Variants in METTL15 observed in about 807,000 individuals in gnomAD.
The protein encoded by METTL15 is methyltransferase 15, mitochondrial 12S rRNA N4-cytidine, also known as 12S rRNA N(4)-cytidine methyltransferase METTL15.
METTL15 carries 34 observed loss-of-function variants against 38.3 expected under a neutral mutation model. That is an observed-to-expected ratio of 0.89 (90% confidence interval 0.68 to 1.18). The LOEUF is 1.18. METTL15 is among the 50% of genes most tolerant of loss of function. The pLI, the probability that METTL15 is intolerant of heterozygous loss-of-function variation, is 0.00. For missense variants in METTL15, 438 were observed against 498.4 expected, an observed-to-expected ratio of 0.88 and a Z score of 1.15; for synonymous variants, 162 against 170.9, an observed-to-expected ratio of 0.95 and a Z score of 0.41.
intron 3 of METTL15, among the ~76,000 whole-genome samples, chr11:28,169,363 T>C (rs1349584124): frequency 6.6e-6 from 1 of 152,188 alleles, no homozygotes; most frequent in Admixed American, 6.6e-5. Context: ...TTGAAAGCTT[T>C]AGATTTAAAA....
chr11:28,453,268 G>A (rs1851138728), intron 6 of METTL15, among the ~76,000 whole-genome samples: 1 of 152,086 alleles, frequency 6.6e-6, no homozygotes, highest in African/African-American at 2.4e-5. Context: ...AGCATCCTCC[G>A]GCTCTACCTG....
intron 6 of METTL15, among the ~76,000 whole-genome samples, chr11:28,482,718 C>T (rs746892858): frequency 1.1e-4 from 17 of 152,190 alleles, no homozygotes; most frequent in Non-Finnish European, 1.0e-4. Flanking sequence ...GGCTCAGCAT[C>T]ACCTGGGAGC....
intron 3 of METTL15, among the ~76,000 whole-genome samples, chr11:28,347,927 T>C (rs1346423935): frequency 1.3e-5 from 2 of 152,262 alleles, no homozygotes; most frequent in African/African-American, 4.8e-5. Context: ...ATTGGCCAGT[T>C]GTGTTTCAAC....
At chr11:28,157,276 C>G (rs181017818) in intron 3 of METTL15, among the ~76,000 whole-genome samples, 33 of 152,278 alleles carry the variant, frequency 2.2e-4, no homozygotes, top group African/African-American at 7.9e-4. Context: ...ATTGAGTGAC[C>G]TGAAAGGCTG....
chr11:28,222,057 A>G (rs924838445), intron 4 of METTL15, among the ~76,000 whole-genome samples: 43 of 152,288 alleles, frequency 2.8e-4, no homozygotes, highest in African/African-American at 9.9e-4. Context: ...GCATGCTGGG[A>G]GAACCACTAC....
intron 3 of METTL15, among the ~76,000 whole-genome samples, chr11:28,181,192 C>A (rs555696653): frequency 1.3e-5 from 2 of 149,744 alleles, no homozygotes; most frequent in African/African-American, 4.9e-5. Context: ...CAATGAGTCA[C>A]AATAAATTTT....
chr11:28,113,392 G>C lies in METTL15; in HGVS notation c.58G>C (p.Glu20Gln). ...MYKECLSCWL[E>Q]SGIPNLGVWP... Reference sequence around the variant, plus strand: ...TAAAGAATGCCTTTCATGTTGGTTGGAATCTGGCATACCTAATTTAGGTGT... The same window carrying C: ...TAAAGAATGCCTTTCATGTTGGTTGCAATCTGGCATACCTAATTTAGGTGT... Residue 20 changes from glutamate (E) to glutamine (Q), a missense_variant, in exon 3 of 7, where the codon GAA becomes CAA. Glu to Gln is a conservative substitution (Grantham distance 29). Coordinates refer to ENST00000407364, the MANE Select transcript of METTL15 (RefSeq NM_001113528.2). 1 of 1,595,226 alleles carries C rather than the reference G, an allele frequency of 6.3e-7. No individual in the cohort carries two copies. Among genetic ancestry groups the C allele is most frequent in the Non-Finnish European group, 8.5e-7 (1 of 1,170,358 alleles).
At chr11:28,213,733 G>T (rs151250477) in intron 4 of METTL15, among the ~76,000 whole-genome samples, 1 of 146,684 alleles carries the variant, frequency 6.8e-6, no homozygotes, top group African/African-American at 2.5e-5. Context: ...TCGGCTCACT[G>T]CAAGGTCCGC....
intron 3 of METTL15, among the ~76,000 whole-genome samples, chr11:28,342,537 A>G (rs1255877039): frequency 6.6e-6 from 1 of 151,952 alleles, no homozygotes; most frequent in Non-Finnish European, 1.5e-5. Flanking sequence ...TACTATAACT[A>G]CAGGCATGAG....
At chr11:28,218,483 A>G (rs1288017094) in intron 4 of METTL15, among the ~76,000 whole-genome samples, 4 of 152,178 alleles carry the variant, frequency 2.6e-5, no homozygotes, top group African/African-American at 9.7e-5. Flanking sequence ...TTTTCTAGAT[A>G]TACAATCATG....
intron 6 of METTL15, among the ~76,000 whole-genome samples, chr11:28,311,947 T>A (rs1857319359): frequency 6.6e-6 from 1 of 152,214 alleles, no homozygotes; most frequent in African/African-American, 2.4e-5. Context: ...GGTAGAGATA[T>A]CAGTGGCAGT....
At chr11:28,199,851 T>C (rs1852044598) in intron 3 of METTL15, among the ~76,000 whole-genome samples, 1 of 151,950 alleles carries the variant, frequency 6.6e-6, no homozygotes, top group South Asian at 2.1e-4. Flanking sequence ...CAAGCGATTC[T>C]GCTGCCCCAG....
At chr11:28,164,830 C>G (rs902781373) in intron 3 of METTL15, among the ~76,000 whole-genome samples, 2 of 152,004 alleles carry the variant, frequency 1.3e-5, no homozygotes, top group African/African-American at 2.4e-5. Flanking sequence ...AAACTTTGTA[C>G]CCTTGGAGCA....
intron 6 of METTL15, among the ~76,000 whole-genome samples, chr11:28,521,139 T>G (rs1185018916): frequency 6.6e-6 from 1 of 152,220 alleles, no homozygotes; most frequent in Admixed American, 6.5e-5. Context: ...GTATAATGAC[T>G]TGATATTCAG....
chr11:28,398,326 T>G (rs1031461762), intron 5 of METTL15, among the ~76,000 whole-genome samples: 1 of 152,152 alleles, frequency 6.6e-6, no homozygotes, highest in African/African-American at 2.4e-5. Context: ...CTCCACATCC[T>G]CTTCAGCATC....
At chr11:28,426,695 A>G (rs1317258896) in intron 6 of METTL15, among the ~76,000 whole-genome samples, 1 of 143,482 alleles carries the variant, frequency 7.0e-6, no homozygotes, top group Non-Finnish European at 1.5e-5. Flanking sequence ...AGTGCTGTTG[A>G]GCTTTTTTTC....
In METTL15 at chr11:28,387,747, G is replaced by T. The variant is rs11030317; in HGVS notation, c.*358+25711G>T. On this transcript the variant is annotated intron_variant and NMD_transcript_variant, in intron 5 of 7. Coordinates refer to the METTL15 transcript ENST00000532947. The stretch of plus-strand genomic sequence containing the variant: ...ATCAGACAAAGATGCTGTAAGAAAA[G>T]AAAACTACATACCAATAACCATGAG... 6.9e-3 allele frequency among the ~76,000 whole-genome samples: 1,045 copies of T among 152,180 alleles called. 6 individuals carry two copies. Among genetic ancestry groups the T allele is most frequent in the African/African-American group, 0.024 (978 of 41,542 alleles).
chr11:28,529,484 G>A (rs1473861856), downstream of METTL15, among the ~76,000 whole-genome samples: 1 of 151,604 alleles, frequency 6.6e-6, no homozygotes, highest in African/African-American at 2.4e-5. Flanking sequence ...ATGCCCTTTT[G>A]CAAAGCTGGT....
chr11:28,219,766 G>T (rs1224131069), intron 4 of METTL15, among the ~76,000 whole-genome samples: 1 of 151,898 alleles, frequency 6.6e-6, no homozygotes, highest in East Asian at 1.9e-4. Context: ...TTGTTTCTTT[G>T]TTCTCGTTGG....
Sources: gnomAD v4.1 joint callset for allele counts (sites outside exome capture counted in the v4.1 genomes callset) on GRCh38, gnomAD v4.1.1 for gene constraint, MANE v1.5 for transcripts, NCBI Gene and HGNC (gene_info 2026-07-23, HGNC 2026-07-21) for gene names.